Variants in GFI1B observed in about 807,000 individuals in gnomAD.
GFI1B encodes the protein growth factor independent 1B transcriptional repressor.
In GFI1B, 20 loss-of-function variants were observed where a neutral mutation model predicts 35.3. The ratio of observed to expected loss-of-function variants is 0.57; its 90% CI spans 0.40 to 0.82. The LOEUF (loss-of-function observed/expected upper bound fraction) is 0.82, where lower values mean the gene tolerates loss of function less well. Ranked by LOEUF, GFI1B falls within the 40% of genes least tolerant of loss-of-function variation. The pLI, the probability that GFI1B is intolerant of heterozygous loss-of-function variation, is 0.00. For missense variants in GFI1B, 430 were observed against 446.3 expected (o/e 0.96, Z 0.33); for synonymous variants, 178 against 177.6 (o/e 1.00, Z -0.02).
chr9:132,947,790 CAA>C (rs1327088664), intron 1 of GFI1B, among the ~76,000 whole-genome samples: 1 of 104,778 alleles, frequency 9.5e-6, no homozygotes, highest in African/African-American at 3.7e-5. Flanking sequence ...GCCTGGGTAA[CAA>C]AGAGAGACTT....
At chr9:132,982,410 AGTTAGG>A (rs1191409018) in intron 1 of GFI1B, among the ~76,000 whole-genome samples, 1 of 152,154 alleles carries the variant, frequency 6.6e-6, no homozygotes, top group Non-Finnish European at 1.5e-5. Context: ...TCCAACTGGA[AGTTAGG>A]GTGCTGGCTC....
At chr9:132,977,754 G>A (rs1359487945), upstream of GFI1B, among the ~76,000 whole-genome samples, 1 of 152,074 alleles carries the variant, frequency 6.6e-6, no homozygotes, top group Admixed American at 6.6e-5. Context: ...AAGCTTTACC[G>A]CCCTCACTCC....
upstream of GFI1B, among the ~76,000 whole-genome samples, chr9:132,976,997 G>C (rs1162214866): frequency 6.6e-6 from 1 of 152,146 alleles, no homozygotes. Context: ...TGCTCTTGTT[G>C]CCCAGGCTGA....
At chr9:132,990,587 C>A (rs771520180) in intron 6 of GFI1B, among the ~76,000 whole-genome samples, 5 of 152,248 alleles carry the variant, frequency 3.3e-5, no homozygotes, top group Non-Finnish European at 5.9e-5. Context: ...TAGCTGAGTG[C>A]CTCTTTTGTG....
chr9:132,965,409 A>C (rs1335283276), intron 1 of GFI1B, among the ~76,000 whole-genome samples: 1 of 152,240 alleles, frequency 6.6e-6, no homozygotes, highest in Admixed American at 6.5e-5. Context: ...ACAAAATTTG[A>C]GGAAACCGTA....
In GFI1B at chr9:132,989,032, G is replaced by A. The variant is rs761232473; in HGVS notation, c.511-29G>A. ...CCTGTCCCTGTCACCGCAGCCCCCA[G>A]TGGCCTCACATGCTGCCCCTGCTCC... is the stretch of plus-strand genomic sequence containing the variant. On this transcript the variant is annotated intron_variant, in intron 4 of 6. Coordinates refer to ENST00000372122, the MANE Select transcript of GFI1B (RefSeq NM_001377304.1). The surrounding 1 kb of genome is among the most constrained non-coding windows in gnomAD (Gnocchi z 6.2). The A allele has an allele frequency of 1.2e-6, 2 of 1,612,080 alleles. No individual in the cohort carries two copies. The highest frequency in any genetic ancestry group is 2.2e-5 in the East Asian group (1 of 44,878).
intron 1 of GFI1B, among the ~76,000 whole-genome samples, chr9:132,980,688 C>G (rs989876276): frequency 6.6e-6 from 1 of 152,166 alleles, no homozygotes; most frequent in South Asian, 2.1e-4. Flanking sequence ...TTCCCTTCCC[C>G]TCACCTCTGG....
At chr9:132,952,102 T>G (rs957051267) in intron 1 of GFI1B, 1 of 152,170 alleles carries the variant, frequency 6.6e-6, no homozygotes, top group Non-Finnish European at 1.5e-5. Flanking sequence ...TTAGGTATTT[T>G]ATAGTTTTTA....
At chr9:132,954,516 A>C (rs1460394946) in intron 1 of GFI1B, among the ~76,000 whole-genome samples, 1 of 150,018 alleles carries the variant, frequency 6.7e-6, no homozygotes, top group African/African-American at 2.4e-5. Flanking sequence ...CAGAAGTTGC[A>C]GTGAGCTGAG....
chr9:132,969,121 C>G lies in GFI1B; in HGVS notation c.-700-3604C>G, dbSNP rs139694244. ...TCGGCTCACTGCAACCTCTGCCTCC[C>G]GGGTTCAAGCGCTTCTCATGCCTCA... is the stretch of plus-strand genomic sequence containing the variant. On this transcript the variant is annotated intron_variant, in intron 1 of 10. Transcript: ENST00000339463. Among the ~76,000 whole-genome samples the G allele has an allele frequency of 3.3e-5, 5 of 152,244 alleles. No homozygotes were observed. In the South Asian group the frequency reaches 6.2e-4, roughly 19 times the overall value.
chr9:132,982,028 CAGG>C (rs1564532245), intron 1 of GFI1B, among the ~76,000 whole-genome samples: 3 of 152,228 alleles, frequency 2.0e-5, no homozygotes, highest in Non-Finnish European at 2.9e-5. Context: ...GCTGGGATTA[CAGG>C]CGTGAGCCAC....
intron 1 of GFI1B, among the ~76,000 whole-genome samples, chr9:132,954,779 C>T (rs559453505): frequency 1.8e-4 from 27 of 151,122 alleles, no homozygotes; most frequent in Admixed American, 3.9e-4. Context: ...AGTACAGTGG[C>T]GCAATCTCGA....
At chr9:132,952,489 A>G (rs1412061248) in intron 1 of GFI1B, 1 of 152,004 alleles carries the variant, frequency 6.6e-6, no homozygotes, top group Admixed American at 6.6e-5. Context: ...AATATTTTAT[A>G]GAGGTGAGGT....
intron 1 of GFI1B, among the ~76,000 whole-genome samples, chr9:132,967,790 C>CT (rs142761040): frequency 0.018 from 2,794 of 151,906 alleles, 102 homozygotes; most frequent in African/African-American, 0.064. Flanking sequence ...ACATATTTTT[C>CT]TTTTTTTCTC....
Position 132,991,672 on chromosome 9 carries a change from A to T in GFI1B, c.*622A>T, listed in dbSNP as rs145937003. The T allele has an allele frequency of 3.0e-3, 464 of 156,588 alleles. 3 individuals are homozygous for T. The highest frequency in any genetic ancestry group is 0.025 in the South Asian group (126 of 5,132). 9.7% of individuals were successfully genotyped at this position (156,588 alleles called of 1,614,324 possible). On this transcript the variant is annotated 3_prime_UTR_variant, in exon 7 of 7. Transcript: ENST00000372122. Reference sequence around the variant, plus strand: ...CCTGTTCTCTCAACTGCTGTCAATAAAATTAAAGATACAGATTTGCTGCCA... The same window carrying T: ...CCTGTTCTCTCAACTGCTGTCAATATAATTAAAGATACAGATTTGCTGCCA...
rs55782408 is a variant in GFI1B at position 132,946,080 on chromosome 9, T to C, written c.-701+411T>C. ...CACCCCTGGGCTGTATTTTGGCCCC[T>C]ATCCACCAGCCCCAAACCCTCCTGG... On this transcript the variant is annotated intron_variant, in intron 1 of 10. Transcript: ENST00000339463. Among the ~76,000 whole-genome samples the C allele has an allele frequency of 3.8e-3, 578 of 152,224 alleles. 2 individuals carry two copies. The highest frequency in any genetic ancestry group is 6.6e-3 in the Admixed American group (101 of 15,294).
At chr9:132,973,858 C>G (rs564089649), upstream of GFI1B, among the ~76,000 whole-genome samples, 1 of 152,206 alleles carries the variant, frequency 6.6e-6, no homozygotes, top group Non-Finnish European at 1.5e-5. Flanking sequence ...CTTAAGCAAC[C>G]TCATGGTTTT....
At chr9:132,949,332 C>A (rs2132580085) in intron 1 of GFI1B, among the ~76,000 whole-genome samples, 1 of 151,240 alleles carries the variant, frequency 6.6e-6, no homozygotes, top group Middle Eastern at 3.4e-3. Context: ...GATACACACA[C>A]ACACACACAT....
In GFI1B at chr9:132,954,189, C is replaced by T. The variant is rs190320128; in HGVS notation, c.-701+8520C>T. 2.4e-3 allele frequency among the ~76,000 whole-genome samples: 364 copies of T among 152,206 alleles called. 2 individuals are homozygous for T. Among genetic ancestry groups the T allele is most frequent in the African/African-American group, 7.8e-3 (325 of 41,552 alleles). ...ACTGCAACCTCCACCTCCCAGGGCTCAAGTGATCCTCCTGCCTCAGCCTCC... is the reference window on the plus strand; with the variant it reads ...ACTGCAACCTCCACCTCCCAGGGCTTAAGTGATCCTCCTGCCTCAGCCTCC... On this transcript the variant is annotated intron_variant, in intron 1 of 10. Transcript: ENST00000339463.
Sources: allele counts gnomAD v4.1 joint callset (sites outside exome capture counted in the v4.1 genomes callset), GRCh38; gene constraint gnomAD v4.1.1; non-coding constraint Gnocchi (gnomAD v3.1); transcripts MANE v1.5; gene names NCBI Gene and HGNC (gene_info 2026-07-23, HGNC 2026-07-21).